Variants in GPR39 observed in about 807,000 individuals in gnomAD.
GPR39 encodes the protein zinc sensing receptor.
In GPR39, 23 loss-of-function variants were observed where a neutral mutation model predicts 18.4. The ratio of observed to expected loss-of-function variants is 1.25; its 90% confidence interval spans 0.90 to 1.77. The LOEUF (loss-of-function observed/expected upper bound fraction) is 1.77, where lower values mean the gene tolerates loss of function less well. Ranked by LOEUF, GPR39 falls within the 40% of genes most tolerant of loss-of-function variation. GPR39 has a pLI of 0.00. For synonymous variants in GPR39, 280 were observed against 257.9 expected (o/e 1.09, Z -0.82); for missense variants, 647 against 602.4 (o/e 1.07, Z -0.78).
rs139486595 is a variant in GPR39 at position 132,632,608 on chromosome 2, C to T, written c.857-12493C>T. On this transcript the variant is annotated intron_variant, in intron 1 of 1. Coordinates refer to ENST00000329321, the MANE Select transcript of GPR39 (RefSeq NM_001508.3). The stretch of plus-strand genomic sequence containing the variant: ...TGCCTGGTCAAACTTCTGGCCCTGA[C>T]ACTTTCCTGCTGTGTGAGTTTGGAC... Among the ~76,000 whole-genome samples, 9 of 152,296 alleles carry T rather than the reference C, an allele frequency of 5.9e-5. No individual in the cohort carries two copies. In the East Asian group the frequency reaches 1.7e-3, roughly 29 times the overall value.
intron 1 of GPR39, among the ~76,000 whole-genome samples, chr2:132,632,279 C>A (rs919375996): frequency 2.6e-5 from 4 of 152,142 alleles, no homozygotes; most frequent in African/African-American, 9.7e-5. Flanking sequence ...TAGTTTGCTT[C>A]TTTTTAGCTT....
intron 1 of GPR39, among the ~76,000 whole-genome samples, chr2:132,551,283 GA>G (rs1020495114): frequency 2.0e-4 from 30 of 149,708 alleles, no homozygotes; most frequent in Non-Finnish European, 2.7e-4. Context: ...GTTATTGGGG[GA>G]AAAAAAAACT....
At chr2:132,598,685 C>T (rs1024629915) in intron 1 of GPR39, among the ~76,000 whole-genome samples, 8 of 151,906 alleles carry the variant, frequency 5.3e-5, no homozygotes, top group African/African-American at 1.9e-4. Flanking sequence ...CATCCCAGTC[C>T]ACCAGGGAGC....
In GPR39 at chr2:132,417,671, G is replaced by C; in HGVS notation, c.629G>C (p.Cys210Ser). 1 of 1,614,148 alleles carries C rather than the reference G, an allele frequency of 6.2e-7. No individual in the cohort carries two copies. The highest frequency in any genetic ancestry group is 8.5e-7 in the Non-Finnish European group (1 of 1,180,030). The change falls in exon 1 of 2, where the codon TGT (cysteine) becomes TCT (serine). Residue 210 changes from cysteine (C) to serine (S), a missense_variant. By Grantham distance (112) the Cys-to-Ser change is moderately radical (BLOSUM62 -1). Transcript: ENST00000329321. The part of the protein sequence containing the change: ...EQPETSNMSI[C>S]TNLSSRWTVF... ...CCCGAGACCTCCAATATGTCCATCTGTACCAACCTCTCCAGCCGCTGGACC... is the reference window on the plus strand; with the variant it reads ...CCCGAGACCTCCAATATGTCCATCTCTACCAACCTCTCCAGCCGCTGGACC...
chr2:132,584,141 T>G (rs1446495643), intron 1 of GPR39, among the ~76,000 whole-genome samples: 2 of 152,074 alleles, frequency 1.3e-5, no homozygotes, highest in African/African-American at 4.8e-5. Context: ...GGTGGGACAG[T>G]ACCCATGCGG....
intron 1 of GPR39, among the ~76,000 whole-genome samples, chr2:132,511,972 A>G (rs1679249220): frequency 6.6e-6 from 1 of 152,088 alleles, no homozygotes; most frequent in Non-Finnish European, 1.5e-5. Flanking sequence ...TGGGTTTGTC[A>G]TTGTTCCTCA....
intron 1 of GPR39, among the ~76,000 whole-genome samples, chr2:132,559,784 C>G (rs1680215846): frequency 6.6e-6 from 1 of 152,084 alleles, no homozygotes; most frequent in Non-Finnish European, 1.5e-5. Context: ...AACATGTGTT[C>G]CAATCACCTG....
chr2:132,610,158 C>T (rs934389126), intron 1 of GPR39, among the ~76,000 whole-genome samples: 1 of 152,066 alleles, frequency 6.6e-6, no homozygotes, highest in Admixed American at 6.6e-5. Flanking sequence ...AATACCTCAC[C>T]CTTTTGGTCA....
chr2:132,625,484 G>T (rs1040660979), intron 1 of GPR39, among the ~76,000 whole-genome samples: 1 of 152,182 alleles, frequency 6.6e-6, no homozygotes, highest in Non-Finnish European at 1.5e-5. Flanking sequence ...CCACTAGACA[G>T]ATTGGCAAAC....
chr2:132,606,155 G>T (rs551439539), intron 1 of GPR39: 6 of 152,362 alleles, frequency 3.9e-5, no homozygotes, highest in Non-Finnish European at 7.3e-5. Context: ...CTAATATGAT[G>T]CAGAATAAGA....
At chr2:132,608,646 G>A (rs1456186715) in intron 1 of GPR39, among the ~76,000 whole-genome samples, 1 of 152,174 alleles carries the variant, frequency 6.6e-6, no homozygotes, top group Non-Finnish European at 1.5e-5. Context: ...AAAGTAGCCT[G>A]GCAGGGCTTG....
intron 1 of GPR39, among the ~76,000 whole-genome samples, chr2:132,639,401 T>C (rs920844805): frequency 3.3e-5 from 5 of 151,928 alleles, no homozygotes; most frequent in Non-Finnish European, 4.4e-5. Context: ...ATCACAGAAA[T>C]CCTAAATCAT....
chr2:132,426,376 G>A (rs1251291285), intron 1 of GPR39, among the ~76,000 whole-genome samples: 2 of 152,242 alleles, frequency 1.3e-5, no homozygotes, highest in Non-Finnish European at 2.9e-5. Context: ...AAGGAAAACA[G>A]TATTGAATTG....
At chr2:132,429,531 G>A (rs1221691070) in intron 1 of GPR39, among the ~76,000 whole-genome samples, 2 of 152,200 alleles carry the variant, frequency 1.3e-5, no homozygotes, top group African/African-American at 4.8e-5. Context: ...CCTGGGCTGC[G>A]CCAGTCACGT....
intron 1 of GPR39, among the ~76,000 whole-genome samples, chr2:132,483,792 G>A (rs1391632917): frequency 4.6e-5 from 7 of 152,058 alleles, no homozygotes; most frequent in Non-Finnish European, 1.5e-5. Flanking sequence ...GAATGTTTGT[G>A]GCATCTGGAG....
intron 1 of GPR39, among the ~76,000 whole-genome samples, chr2:132,540,271 G>A (rs1468122947): frequency 6.6e-6 from 1 of 152,160 alleles, no homozygotes; most frequent in Non-Finnish European, 1.5e-5. Flanking sequence ...GGGGCTCTCC[G>A]GAGATTTAGT....
chr2:132,597,867 C>T (rs1488250039), intron 1 of GPR39, among the ~76,000 whole-genome samples: 1 of 152,216 alleles, frequency 6.6e-6, no homozygotes, highest in African/African-American at 2.4e-5. Context: ...AGAGAATCTG[C>T]TTGCCCCATA....
chr2:132,585,432 G>A (rs1256222936), intron 1 of GPR39, among the ~76,000 whole-genome samples: 2 of 152,248 alleles, frequency 1.3e-5, no homozygotes, highest in East Asian at 3.9e-4. Flanking sequence ...TCAGAGTTTA[G>A]GGATTCATTT....
At chr2:132,514,750 A>G (rs1041511621) in intron 1 of GPR39, among the ~76,000 whole-genome samples, 3 of 152,264 alleles carry the variant, frequency 2.0e-5, no homozygotes, top group African/African-American at 4.8e-5. Context: ...AATAAATGCC[A>G]GAGAAATTTA....
Sources: allele counts gnomAD v4.1 joint callset (sites outside exome capture counted in the v4.1 genomes callset), GRCh38; gene constraint gnomAD v4.1.1; transcripts MANE v1.5; gene names NCBI Gene and HGNC (gene_info 2026-07-23, HGNC 2026-07-21).